The following CCDC191 variants were observed in gnomAD, a reference collection of about 807,000 sequenced individuals.
CCDC191 encodes coiled-coil domain containing 191.
A neutral mutation model predicts 114.0 loss-of-function variants in CCDC191; 99 were observed. The observed-to-expected ratio is 0.87, with a 90% CI of 0.74 to 1.03. The LOEUF is 1.03. Among genes scored for constraint, CCDC191 ranks in the 50% least tolerant of loss-of-function variants. The pLI, the probability that CCDC191 is intolerant of heterozygous loss-of-function variation, is 0.00. For missense variants in CCDC191, 973 were observed against 1,087.0 expected, an observed-to-expected ratio of 0.90 and a Z score of 1.47; for synonymous variants, 351 against 376.0, an observed-to-expected ratio of 0.93 and a Z score of 0.77.
intron 7 of CCDC191, among the ~76,000 whole-genome samples, chr3:114,029,377 T>C (rs1319592204): frequency 6.6e-6 from 1 of 152,038 alleles, no homozygotes; most frequent in Non-Finnish European, 1.5e-5. Context: ...ATTGCATAAA[T>C]GAATGAATAC....
chr3:113,970,791 C>T (rs1940729948), intron 16 of CCDC191, among the ~76,000 whole-genome samples: 1 of 150,746 alleles, frequency 6.6e-6, no homozygotes, highest in South Asian at 2.1e-4. Flanking sequence ...TTGTCCAATT[C>T]CCACCTATGA....
At chr3:113,972,252 A>G (rs1940898283) in intron 16 of CCDC191, among the ~76,000 whole-genome samples, 1 of 151,898 alleles carries the variant, frequency 6.6e-6, no homozygotes, top group Non-Finnish European at 1.5e-5. Context: ...TTTTACTATA[A>G]CCTATAGATT....
chr3:114,027,711 G>A (rs1361733930), intron 7 of CCDC191, among the ~76,000 whole-genome samples: 2 of 151,322 alleles, frequency 1.3e-5, no homozygotes, highest in Non-Finnish European at 2.9e-5. Context: ...ATTCTTTAAA[G>A]TCTTCCTGCA....
At chr3:114,023,951 T>C (rs1183609245) in intron 7 of CCDC191, among the ~76,000 whole-genome samples, 1 of 152,116 alleles carries the variant, frequency 6.6e-6, no homozygotes, top group Non-Finnish European at 1.5e-5. Context: ...TTTTGCAATC[T>C]ACTCATCTGA....
chr3:113,985,823 A>G (rs145883694), intron 13 of CCDC191, among the ~76,000 whole-genome samples: 1 of 152,342 alleles, frequency 6.6e-6, no homozygotes, highest in African/African-American at 2.4e-5. Flanking sequence ...AGCTTCAAAC[A>G]TAGCCCAATT....
intron 8 of CCDC191, among the ~76,000 whole-genome samples, chr3:114,014,936 C>T (rs113043679): frequency 1.2e-3 from 186 of 152,018 alleles, no homozygotes; most frequent in African/African-American, 4.3e-3. Flanking sequence ...ATCCTATCCC[C>T]AGGACTTAGG....
At chr3:114,025,462 C>G (rs2076308017) in intron 7 of CCDC191, among the ~76,000 whole-genome samples, 1 of 151,958 alleles carries the variant, frequency 6.6e-6, no homozygotes, top group South Asian at 2.1e-4. Context: ...CAATATGTAC[C>G]CCTTACATAA....
intron 10 of CCDC191, among the ~76,000 whole-genome samples, 200 bp from the exon 11 acceptor site, chr3:114,004,946 C>G (rs1274025051): frequency 1.3e-5 from 2 of 152,146 alleles, no homozygotes; most frequent in African/African-American, 4.8e-5. Flanking sequence ...CACAGTGAGT[C>G]AGGTACTGTG....
intron 2 of CCDC191, among the ~76,000 whole-genome samples, chr3:114,052,152 T>C (rs2076706124): frequency 6.6e-6 from 1 of 151,974 alleles, no homozygotes; most frequent in South Asian, 2.1e-4. Flanking sequence ...GGAATCAGAA[T>C]AGATTACAGG....
At position 114,010,936 on chromosome 3, in the gene CCDC191, G is replaced by A; in HGVS notation, c.1249C>T (p.Leu417Phe). The A allele has an allele frequency of 6.2e-7, 1 of 1,614,002 alleles. No homozygotes were observed. Among genetic ancestry groups the A allele is most frequent in the South Asian group, 1.1e-5 (1 of 91,088 alleles). ...GTGAGAGCCAGCTCTCTCTTCAGGA[G>A]CTCGGCGCCATGCCAATGCTGCCAT... The part of the protein sequence containing the change: ...TEWQHWHGAE[L>F]LKRELALTKE... The change falls in exon 9 of 17, where the codon CTC (leucine) becomes TTC (phenylalanine). Residue 417 changes from leucine to phenylalanine, a missense_variant. Leu to Phe is a conservative substitution (Grantham distance 22). Coordinates refer to ENST00000295878, the MANE Select transcript of CCDC191 (RefSeq NM_020817.2).
chr3:114,031,750 T>C lies in CCDC191; in HGVS notation c.848A>G (p.Gln283Arg). Reference sequence around the variant, plus strand: ...AAACATGACTTTTTCTGAACTATTTTGAGAATTCTCTTCTTGCCTTTTCTT... The same window carrying C: ...AAACATGACTTTTTCTGAACTATTTCGAGAATTCTCTTCTTGCCTTTTCTT... ...IEKKRQEENS[Q>R]NSSEKVMFQS... The change falls in exon 7 of 17, where the codon CAA becomes CGA. Residue 283 changes from glutamine (Q) to arginine (R), a missense_variant. Coordinates refer to ENST00000295878, the MANE Select transcript of CCDC191 (RefSeq NM_020817.2). 6.7e-7 allele frequency: 1 copy of C among 1,482,818 alleles called. No homozygotes were observed. Among genetic ancestry groups the C allele is most frequent in the South Asian group, 1.1e-5 (1 of 87,126 alleles). 91.9% of individuals were successfully genotyped at this position (1,482,818 alleles called of 1,614,324 possible).
intron 14 of CCDC191, 80 bp from the exon 15 acceptor site, chr3:113,979,090 G>T: frequency 7.6e-7 from 1 of 1,324,378 alleles, no homozygotes; most frequent in Non-Finnish European, 1.1e-6. Flanking sequence ...TGGAAATGAT[G>T]CTATAAAACA....
At chr3:114,034,764 T>C (rs1013499646) in intron 6 of CCDC191, among the ~76,000 whole-genome samples, 161 bp downstream of exon 6, 1 of 152,208 alleles carries the variant, frequency 6.6e-6, no homozygotes, top group Non-Finnish European at 1.5e-5. Context: ...AGGAGGAACA[T>C]GGAAATATGA....
chr3:113,968,113 T>C (rs1263587894), intron 16 of CCDC191, among the ~76,000 whole-genome samples: 2 of 152,218 alleles, frequency 1.3e-5, no homozygotes, highest in Admixed American at 1.3e-4. Flanking sequence ...AAATATCTCT[T>C]GGATGTATTG....
chr3:114,006,703 G>A (rs1485588668), intron 9 of CCDC191, among the ~76,000 whole-genome samples: 1 of 149,806 alleles, frequency 6.7e-6, no homozygotes, highest in African/African-American at 2.5e-5. Context: ...AAGATGTTGT[G>A]GCAAAGGATA....
chr3:114,027,601 C>CAAAA (rs67548547), intron 7 of CCDC191, among the ~76,000 whole-genome samples: 43 of 60,048 alleles, frequency 7.2e-4, no homozygotes, highest in East Asian at 2.3e-3. Context: ...GACTCTGTCT[C>CAAAA]AAAAAAAAAA....
intron 11 of CCDC191, chr3:114,002,984 A>C (rs1230971552): frequency 4.1e-6 from 4 of 985,114 alleles, no homozygotes; most frequent in Admixed American, 6.2e-5. Flanking sequence ...GTCACTGTAC[A>C]TATGTCTGTA....
chr3:113,994,259 T>C (rs1235203093), intron 13 of CCDC191, among the ~76,000 whole-genome samples: 2 of 152,210 alleles, frequency 1.3e-5, no homozygotes, highest in East Asian at 3.8e-4. Flanking sequence ...TCATAGAAGA[T>C]ATATGGATAT....
chr3:114,015,313 A>G (rs1323789097), intron 8 of CCDC191, among the ~76,000 whole-genome samples: 1 of 152,222 alleles, frequency 6.6e-6, no homozygotes, highest in African/African-American at 2.4e-5. Context: ...TGTGGAGGTT[A>G]ATACAGAGAA....
Sources: allele counts gnomAD v4.1 joint callset (sites outside exome capture counted in the v4.1 genomes callset), GRCh38; gene constraint gnomAD v4.1.1; transcripts MANE v1.5; gene names NCBI Gene and HGNC (gene_info 2026-07-23, HGNC 2026-07-21).